The following ATG4B variants were observed in gnomAD, a reference collection of about 807,000 sequenced individuals.
The protein encoded by ATG4B is autophagy related 4B cysteine peptidase, also known as cysteine protease ATG4B.
ATG4B carries 29 observed loss-of-function variants against 56.6 expected under a neutral mutation model. The ratio of observed to expected loss-of-function variants is 0.51; its 90% CI spans 0.38 to 0.70. The LOEUF is 0.70. ATG4B is among the 30% of genes least tolerant of loss of function. ATG4B has a pLI of 0.00. For synonymous variants in ATG4B, 224 were observed against 206.1 expected, an observed-to-expected ratio of 1.09 and a Z score of -0.74; for missense variants, 461 against 515.5, an observed-to-expected ratio of 0.89 and a Z score of 1.02.
At chr2:241,642,387 G>C (rs1279113244) in intron 1 of ATG4B, among the ~76,000 whole-genome samples, 5 of 151,484 alleles carry the variant, frequency 3.3e-5, no homozygotes, top group Admixed American at 3.3e-4. Flanking sequence ...TAAACTCTTG[G>C]AGATTTAAAA....
chr2:241,652,114 C>T lies in ATG4B; in HGVS notation c.184+779C>T, dbSNP rs1377444086. On this transcript the variant is annotated intron_variant, in intron 3 of 12. Coordinates refer to ENST00000404914, the MANE Select transcript of ATG4B (RefSeq NM_013325.5). The stretch of plus-strand genomic sequence containing the variant: ...GGCTGGACATTGGAGAACACTGACG[C>T]GTAGGGACATACGACAGTGTCTCCT... 9 of 421,348 alleles carry T rather than the reference C, an allele frequency of 2.1e-5. 1 individual carries two copies. In the East Asian group the frequency reaches 2.9e-4, roughly 14 times the overall value. The allele number at this position is 421,348 out of a possible 1,614,324, so 26.1% of individuals were successfully genotyped here. A position where few individuals can be genotyped will look rare whatever the true frequency, so the allele number is the denominator to read the frequency against.
intron 6 of ATG4B, among the ~76,000 whole-genome samples, chr2:241,657,880 A>T (rs1334665840): frequency 1.3e-5 from 2 of 152,036 alleles, no homozygotes; most frequent in East Asian, 3.9e-4. Flanking sequence ...GCGGGGCTCT[A>T]CCCGACCTCC....
At chr2:241,671,291 A>G in intron 11 of ATG4B, 21 bp from the exon 12 acceptor site, 11 of 1,602,978 alleles carry the variant, frequency 6.9e-6, no homozygotes, top group Non-Finnish European at 8.5e-6. Context: ...GCTGCACCTA[A>G]CGGCCATGTC....
At chr2:241,659,928 A>G (rs971307771) in intron 7 of ATG4B, among the ~76,000 whole-genome samples, 3 of 152,170 alleles carry the variant, frequency 2.0e-5, no homozygotes, top group Non-Finnish European at 4.4e-5. Context: ...GCGGTGGCTC[A>G]TGCCTGTAAT....
At chr2:241,641,776 G>A (rs908607958) in intron 1 of ATG4B, among the ~76,000 whole-genome samples, 2 of 152,184 alleles carry the variant, frequency 1.3e-5, no homozygotes, top group Admixed American at 6.5e-5. Context: ...GGTCACCCAG[G>A]GTGTGAATGT....
intron 1 of ATG4B, among the ~76,000 whole-genome samples, chr2:241,641,680 A>G (rs148304959): frequency 4.6e-5 from 7 of 152,308 alleles, no homozygotes; most frequent in African/African-American, 1.7e-4. Flanking sequence ...CTTGTAGAGC[A>G]GTGTCCAGTG....
At chr2:241,637,815 T>G (rs2067716846) in intron 1 of ATG4B, 91 bp downstream of exon 1, 3 of 1,301,320 alleles carry the variant, frequency 2.3e-6, no homozygotes, top group Non-Finnish European at 3.0e-6. Flanking sequence ...GCGACTCGCC[T>G]CGGGGCACGC....
At chr2:241,656,426 G>A (rs2068407297) in intron 6 of ATG4B, among the ~76,000 whole-genome samples, 1 of 152,132 alleles carries the variant, frequency 6.6e-6, no homozygotes, top group African/African-American at 2.4e-5. Context: ...CCTCTGTCCA[G>A]CAGCTCCCCA....
chr2:241,653,990 G>GAAAAAA (rs34757883), intron 4 of ATG4B, among the ~76,000 whole-genome samples: 21 of 72,662 alleles, frequency 2.9e-4, no homozygotes, highest in Admixed American at 4.9e-4. Context: ...GACCCTATCT[G>GAAAAAA]AAAAAAAAAA....
At chr2:241,656,031 C>T (rs1042459749) in intron 6 of ATG4B, among the ~76,000 whole-genome samples, 7 of 152,170 alleles carry the variant, frequency 4.6e-5, no homozygotes, top group African/African-American at 7.2e-5. Flanking sequence ...GACTTGTCCC[C>T]TCAGGGTCTC....
At chr2:241,669,652 C>T (rs1478181242) in intron 10 of ATG4B, among the ~76,000 whole-genome samples, 1 of 152,208 alleles carries the variant, frequency 6.6e-6, no homozygotes, top group Non-Finnish European at 1.5e-5. Context: ...GGACTACAGG[C>T]ACCCGCCACC....
chr2:241,641,955 C>T (rs1467859172), intron 1 of ATG4B, among the ~76,000 whole-genome samples: 1 of 152,104 alleles, frequency 6.6e-6, no homozygotes, highest in Non-Finnish European at 1.5e-5. Context: ...AGCCACACTG[C>T]CCATTCCTTG....
intron 6 of ATG4B, among the ~76,000 whole-genome samples, chr2:241,655,801 C>T (rs538464982): frequency 6.6e-6 from 1 of 152,336 alleles, no homozygotes; most frequent in African/African-American, 2.4e-5. Flanking sequence ...TGCTCTGCAC[C>T]TGCTCCGCAC....
intron 7 of ATG4B, among the ~76,000 whole-genome samples, chr2:241,663,535 C>T (rs2068655538): frequency 6.6e-6 from 1 of 152,126 alleles, no homozygotes; most frequent in Admixed American, 6.5e-5. Flanking sequence ...CAGAAGAAAA[C>T]CTGTGTATCT....
At chr2:241,646,067 C>G (rs747649579) in intron 1 of ATG4B, among the ~76,000 whole-genome samples, 1 of 152,206 alleles carries the variant, frequency 6.6e-6, no homozygotes, top group East Asian at 1.9e-4. Flanking sequence ...GGCCACACAC[C>G]TGTAATTTTC....
intron 1 of ATG4B, among the ~76,000 whole-genome samples, chr2:241,639,876 G>A (rs778394860): frequency 1.3e-4 from 20 of 152,214 alleles, no homozygotes; most frequent in Admixed American, 3.3e-4. Context: ...TTAGAGGAAA[G>A]CGCACCAAAC....
intron 1 of ATG4B, among the ~76,000 whole-genome samples, chr2:241,646,846 G>A (rs1316870020): frequency 6.7e-6 from 1 of 148,652 alleles, no homozygotes; most frequent in African/African-American, 2.5e-5. Context: ...GCAGTGGCGC[G>A]ATCTCAGGTC....
intron 6 of ATG4B, among the ~76,000 whole-genome samples, chr2:241,657,300 T>TTTG (rs1553566591): frequency 2.1e-4 from 30 of 144,260 alleles, no homozygotes; most frequent in South Asian, 6.6e-4. Context: ...CTTTTTTTTT[T>TTTG]TTTTATTTTT....
chr2:241,655,370 C>T (rs759845087), intron 6 of ATG4B, 27 bp downstream of exon 6: 1 of 1,588,692 alleles, frequency 6.3e-7, no homozygotes, highest in Admixed American at 1.8e-5. Context: ...CACTGCTGAG[C>T]ATGGGGCAGC....
Sources: gnomAD v4.1 joint callset for allele counts (sites outside exome capture counted in the v4.1 genomes callset) on GRCh38, gnomAD v4.1.1 for gene constraint, MANE v1.5 for transcripts, NCBI Gene and HGNC (gene_info 2026-07-23, HGNC 2026-07-21) for gene names.